The following LRBA variants were observed in gnomAD, a reference collection of about 807,000 sequenced individuals.
LRBA encodes the protein lipopolysaccharide-responsive and beige-like anchor protein.
In LRBA, 176 loss-of-function variants were observed where a neutral mutation model predicts 330.0. The observed-to-expected ratio is 0.53, with a 90% CI of 0.47 to 0.60. The LOEUF is 0.60. Among genes scored for constraint, LRBA ranks in the 20% least tolerant of loss-of-function variants. LRBA has a pLI of 0.00. For synonymous variants in LRBA, 1,230 were observed against 1,193.0 expected, an observed-to-expected ratio of 1.03 and a Z score of -0.64; for missense variants, 3,259 against 3,444.8, an observed-to-expected ratio of 0.95 and a Z score of 1.35.
At chr4:150,618,830 T>TATATATA (rs1215207995) in intron 37 of LRBA, among the ~76,000 whole-genome samples, 4 of 135,624 alleles carry the variant, frequency 2.9e-5, no homozygotes, top group African/African-American at 1.1e-4. Flanking sequence ...TATACATATA[T>TATATATA]TATGTATATG....
At chr4:150,494,868 C>T (rs931054118) in intron 40 of LRBA, among the ~76,000 whole-genome samples, 1 of 151,994 alleles carries the variant, frequency 6.6e-6, no homozygotes, top group African/African-American at 2.4e-5. Context: ...GGCGTGGTTG[C>T]GGGCGCCTGT....
At position 150,423,317 on chromosome 4, in the gene LRBA, G is replaced by A. The variant is rs528018572; in HGVS notation, c.7042-7727C>T. 5.3e-6 allele frequency: 4 copies of A among 750,922 alleles called. No individual in the cohort carries two copies. In the East Asian group the frequency reaches 9.9e-5, roughly 19 times the overall value. The allele number at this position is 750,922 out of a possible 1,614,324, so 46.5% of individuals were successfully genotyped here. On this transcript the variant is annotated intron_variant, in intron 46 of 56. Coordinates refer to ENST00000651943, the MANE Select transcript of LRBA (RefSeq NM_001364905.1). ...AAACATTCCTAATCATCCTCTCCCTGGGGGACGAGCTCTGCGGACTGTGAG... is the reference window on the plus strand; with the variant it reads ...AAACATTCCTAATCATCCTCTCCCTAGGGGACGAGCTCTGCGGACTGTGAG...
chr4:150,781,471 C>T (rs528344929), intron 34 of LRBA, among the ~76,000 whole-genome samples: 24 of 152,332 alleles, frequency 1.6e-4, no homozygotes, highest in African/African-American at 5.1e-4. Flanking sequence ...TGATAGGGAG[C>T]GGCTATAAAT....
intron 53 of LRBA, among the ~76,000 whole-genome samples, chr4:150,293,791 G>A (rs764803145): frequency 2.8e-4 from 43 of 152,296 alleles, no homozygotes; most frequent in Non-Finnish European, 4.7e-4. Context: ...CTGCCATTGA[G>A]ACAGCAAGAC....
intron 48 of LRBA, among the ~76,000 whole-genome samples, chr4:150,340,113 T>C (rs1018362833): frequency 6.6e-6 from 1 of 152,124 alleles, no homozygotes; most frequent in African/African-American, 2.4e-5. Context: ...GCTTCCCCTT[T>C]CACCATGGCT....
chr4:150,535,131 A>T (rs115168044), intron 40 of LRBA, among the ~76,000 whole-genome samples: 2,472 of 151,858 alleles, frequency 0.016, 70 homozygotes, highest in African/African-American at 0.055. Context: ...TCTATTGTGT[A>T]TTATTTTGTT....
chr4:150,390,426 GCT>G (rs1743754402), intron 47 of LRBA, among the ~76,000 whole-genome samples: 2 of 152,104 alleles, frequency 1.3e-5, no homozygotes, highest in Non-Finnish European at 1.5e-5. Context: ...CCTTTGCTAT[GCT>G]CTGATAACTG....
At chr4:150,622,726 T>C (rs1581840963) in intron 37 of LRBA, among the ~76,000 whole-genome samples, 1 of 140,178 alleles carries the variant, frequency 7.1e-6, no homozygotes. Context: ...TGAGACGGAG[T>C]CTTGCTCTTT....
chr4:150,964,105 C>G (rs1477452701), intron 2 of LRBA, among the ~76,000 whole-genome samples: 3 of 148,760 alleles, frequency 2.0e-5, no homozygotes, highest in African/African-American at 7.8e-5. Context: ...CTCCGCCCGG[C>G]AGCCGCCCCG....
Position 150,663,675 on chromosome 4 carries a change from C to G in LRBA, c.5921+19876G>C, listed in dbSNP as rs537687474. On this transcript the variant is annotated intron_variant, in intron 37 of 56. Transcript: ENST00000651943. ...CTGGTAGTATATATCAGGTATTGGACCAGGGATGAAAACATCAAAATTAAT... is the reference window on the plus strand; with the variant it reads ...CTGGTAGTATATATCAGGTATTGGAGCAGGGATGAAAACATCAAAATTAAT... Among the ~76,000 whole-genome samples, 3 of 152,030 alleles carry G rather than the reference C, an allele frequency of 2.0e-5. No individual in the cohort carries two copies. The East Asian group carries it at 5.8e-4, about 29-fold the overall frequency.
chr4:150,375,268 G>A (rs903898187), intron 47 of LRBA, among the ~76,000 whole-genome samples: 1 of 152,106 alleles, frequency 6.6e-6, no homozygotes, highest in Non-Finnish European at 1.5e-5. Flanking sequence ...GTTTTTCATA[G>A]TGATCAGCCC....
chr4:151,007,520 A>G (rs1744227073), intron 2 of LRBA, among the ~76,000 whole-genome samples: 2 of 143,366 alleles, frequency 1.4e-5, no homozygotes, highest in African/African-American at 2.6e-5. Context: ...AAAAAAAACA[A>G]AAAAAAAAAT....
chr4:150,269,279 T>G (rs943308718), intron 56 of LRBA, among the ~76,000 whole-genome samples: 1 of 152,156 alleles, frequency 6.6e-6, no homozygotes, highest in Admixed American at 6.5e-5. Context: ...GCGACAGTAA[T>G]CAAAACATTG....
chr4:150,270,521 A>C (rs1284916757), intron 56 of LRBA, among the ~76,000 whole-genome samples: 1 of 152,170 alleles, frequency 6.6e-6, no homozygotes, highest in Non-Finnish European at 1.5e-5. Flanking sequence ...CATGCACATG[A>C]GCTGGTGGGA....
chr4:150,892,961 T>C (rs1442499490), intron 17 of LRBA, 91 bp downstream of exon 17: 6 of 741,214 alleles, frequency 8.1e-6, no homozygotes, highest in Non-Finnish European at 1.3e-5. Flanking sequence ...ACTCATTTCA[T>C]ATGTAAGTTT....
chr4:150,644,235 ATATT>A (rs1184352785), intron 37 of LRBA, among the ~76,000 whole-genome samples: 1 of 151,972 alleles, frequency 6.6e-6, no homozygotes, highest in African/African-American at 2.4e-5. Context: ...ATACACATCA[ATATT>A]ACCAAACAAA....
chr4:150,574,323 C>T (rs537952876), intron 40 of LRBA, among the ~76,000 whole-genome samples: 23 of 152,082 alleles, frequency 1.5e-4, no homozygotes, highest in African/African-American at 5.5e-4. Flanking sequence ...CATATACCTA[C>T]GTTAGAGCAG....
intron 53 of LRBA, among the ~76,000 whole-genome samples, chr4:150,296,254 T>C (rs1045935431): frequency 6.6e-6 from 1 of 152,182 alleles, no homozygotes; most frequent in Non-Finnish European, 1.5e-5. Context: ...TATTAAACAC[T>C]CCTGACCCCA....
Position 150,808,317 on chromosome 4 carries a change from T to C in LRBA, c.5384+3A>G. On this transcript the variant is annotated splice_donor_region_variant and intron_variant, in intron 32 of 56. Transcript: ENST00000651943. ...ACAATATTCAAGTTAGTAGCTTAAA[T>C]ACCTCATATTTGAAACCGGATCTTG... 1 of 1,604,388 alleles carries C rather than the reference T, an allele frequency of 6.2e-7. No individual in the cohort carries two copies.
Sources: gnomAD v4.1 joint callset for allele counts (sites outside exome capture counted in the v4.1 genomes callset) on GRCh38, gnomAD v4.1.1 for gene constraint, MANE v1.5 for transcripts, NCBI Gene and HGNC (gene_info 2026-07-23, HGNC 2026-07-21) for gene names.